Variants in SAMD9L observed in about 807,000 individuals in gnomAD.
The protein encoded by SAMD9L is sterile alpha motif domain containing 9 like, also known as sterile alpha motif domain-containing protein 9-like.
SAMD9L carries 68 observed loss-of-function variants against 90.7 expected under a neutral mutation model. The observed-to-expected ratio is 0.75, with a 90% CI of 0.62 to 0.92. The LOEUF (loss-of-function observed/expected upper bound fraction) is 0.92, where lower values mean the gene tolerates loss of function less well. Among genes scored for constraint, SAMD9L ranks in the 40% least tolerant of loss-of-function variants. SAMD9L has a pLI of 0.00. For synonymous variants in SAMD9L, 640 were observed against 630.1 expected (o/e 1.02, Z -0.23); for missense variants, 1,604 against 1,824.3 (o/e 0.88, Z 2.20).
rs747865043 is a variant in SAMD9L at position 93,134,648 on chromosome 7, C to A, written c.1324G>T (p.Ala442Ser). 6 of 1,613,940 alleles carry A rather than the reference C, an allele frequency of 3.7e-6. No individual in the cohort carries two copies. Among genetic ancestry groups the A allele is most frequent in the Non-Finnish European group, 4.2e-6 (5 of 1,179,914 alleles). ...GATTCAGGATCAAACTCCAACACAG[C>A]AAACCATTTAATTTCTTTTAAAAAA... ...LDFLKEIKWF[A>S]VLEFDPESMI... Residue 442 changes from alanine (A) to serine (S), a missense_variant, in exon 5 of 5, where the codon GCT (alanine) becomes TCT (serine). Coordinates refer to ENST00000318238, the MANE Select transcript of SAMD9L (RefSeq NM_152703.5).
chr7:93,133,434 A>G lies in SAMD9L; in HGVS notation c.2538T>C (p.Asp846=), dbSNP rs1408145414. The change falls in exon 5 of 5, where the codon GAT becomes GAC. Residue 846 remains aspartate (D), a synonymous_variant. Transcript: ENST00000318238. ...ILNCMRSRNP[D]ESAKLADSIA... is the part of the protein sequence containing the mutation. ...TACTGTCTGCCAATTTTGCACTTTCATCTGGATTCCGGGATCTCATGCAGT... is the reference window on the plus strand; with the variant it reads ...TACTGTCTGCCAATTTTGCACTTTCGTCTGGATTCCGGGATCTCATGCAGT... 2.5e-6 allele frequency: 4 copies of G among 1,613,134 alleles called. No individual in the cohort carries two copies. The highest frequency in any genetic ancestry group is 3.4e-6 in the Non-Finnish European group (4 of 1,179,304).
chr7:93,143,590 A>G (rs779012988), intron 4 of SAMD9L, among the ~76,000 whole-genome samples: 14 of 152,116 alleles, frequency 9.2e-5, no homozygotes, highest in Non-Finnish European at 1.3e-4. Flanking sequence ...AACCACATCT[A>G]CCTACCGACC....
chr7:93,133,944 G>A lies in SAMD9L; in HGVS notation c.2028C>T (p.Phe676=). The A allele has an allele frequency of 1.9e-6, 3 of 1,613,726 alleles. No homozygotes were observed. The highest frequency in any genetic ancestry group is 2.5e-6 in the Non-Finnish European group (3 of 1,179,812). The change falls in exon 5 of 5, where the codon TTC becomes TTT. Residue 676 remains phenylalanine, a synonymous_variant. Coordinates refer to ENST00000318238, the MANE Select transcript of SAMD9L (RefSeq NM_152703.5). ...ETDIEKDKSK[F]LEFKKSKEEH... ...CTTCTTTTGATTTCTTAAACTCCAGGAATTTAGATTTGTCTTTCTCGATGT... is the reference window on the plus strand; with the variant it reads ...CTTCTTTTGATTTCTTAAACTCCAGAAATTTAGATTTGTCTTTCTCGATGT...
intron 1 of SAMD9L, 144 bp downstream of exon 1, chr7:93,148,050 A>AT (rs1792960633): frequency 6.6e-6 from 1 of 152,148 alleles, no homozygotes; most frequent in South Asian, 2.1e-4. Context: ...TAATCCATTG[A>AT]TTTTTCTAAT....
At chr7:93,143,343 C>T (rs1260040150) in intron 4 of SAMD9L, among the ~76,000 whole-genome samples, 1 of 152,164 alleles carries the variant, frequency 6.6e-6, no homozygotes, top group Non-Finnish European at 1.5e-5. Flanking sequence ...CCCTTCACAC[C>T]CTGACTGGAA....
intron 4 of SAMD9L, among the ~76,000 whole-genome samples, chr7:93,141,311 T>A (rs78226837): frequency 0.024 from 3,599 of 152,352 alleles, 51 homozygotes; most frequent in Non-Finnish European, 0.035. Context: ...AGTTTCTCCC[T>A]ATGAATCTCA....
At chr7:93,141,909 G>T (rs895242867) in intron 4 of SAMD9L, among the ~76,000 whole-genome samples, 1 of 152,128 alleles carries the variant, frequency 6.6e-6, no homozygotes, top group East Asian at 1.9e-4. Context: ...CTTAAATAAG[G>T]TCTGACATGA....
rs1473065405 is a variant in SAMD9L, at chr7:93,145,367, T to A, written c.-123+18A>T. On this transcript the variant is annotated intron_variant, in intron 3 of 4. Coordinates refer to ENST00000318238, the MANE Select transcript of SAMD9L (RefSeq NM_152703.5). ...AAAGAGAGTTGATTAAACAAGACTT[T>A]AATGATTAGAAACTTACCAGGGCTT... The A allele has an allele frequency of 1.3e-5, 2 of 152,244 alleles. No individual in the cohort carries two copies. The highest frequency in any genetic ancestry group is 1.3e-4 in the Admixed American group (2 of 15,284). The allele number at this position is 152,244 out of a possible 1,614,324, so 9.4% of individuals were successfully genotyped here.
rs769739810 is a variant in SAMD9L, at chr7:93,133,561, T to C, written c.2411A>G (p.Asp804Gly). ...DYIPVLLLVD[D>G]FEEQENVYFL... ...GTAGACATTTTCTTGTTCTTCAAAA[T>C]CATCCACAAGGAGAAGCACAGGAAT... The change falls in exon 5 of 5, where the codon GAT (aspartate) becomes GGT (glycine). Residue 804 changes from aspartate (D) to glycine (G), a missense_variant. Asp to Gly is a moderately conservative substitution (Grantham distance 94, BLOSUM62 -1). This residue lies in a region of SAMD9L where 606 missense variants were observed against 717.6 expected (regional missense o/e 0.84). Coordinates refer to ENST00000318238, the MANE Select transcript of SAMD9L (RefSeq NM_152703.5). 6.2e-7 allele frequency: 1 copy of C among 1,613,860 alleles called. No homozygotes were observed. The highest frequency in any genetic ancestry group is 1.1e-5 in the South Asian group (1 of 91,070).
chr7:93,136,036 T>A (rs1322228784), intron 4 of SAMD9L, 45 bp from the exon 5 acceptor site: 28 of 1,283,810 alleles, frequency 2.2e-5, no homozygotes, highest in Non-Finnish European at 2.7e-5. Flanking sequence ...TATACTTTAT[T>A]TTTAAAATCA....
At position 93,134,793 on chromosome 7, in the gene SAMD9L, A is replaced by G. The variant is rs1388209099; in HGVS notation, c.1179T>C (p.Ser393=). ...EYGMKAMKKE[S]EGLKLVKLLI... ...GAAGTTTAACCAGCTTTAGTCCTTC[A>G]CTCTCCTTCTTCATTGCCTTCATTC... is the stretch of plus-strand genomic sequence containing the variant. Residue 393 remains serine (S), a synonymous_variant, in exon 5 of 5, where the codon AGT becomes AGC. Coordinates refer to ENST00000318238, the MANE Select transcript of SAMD9L (RefSeq NM_152703.5). The G allele has an allele frequency of 8.1e-6, 13 of 1,613,002 alleles. No homozygotes were observed. Among genetic ancestry groups the G allele is most frequent in the Non-Finnish European group, 1.1e-5 (13 of 1,179,790 alleles).
chr7:93,137,868 A>C (rs1792520448), intron 4 of SAMD9L, among the ~76,000 whole-genome samples: 1 of 151,636 alleles, frequency 6.6e-6, no homozygotes, highest in Non-Finnish European at 1.5e-5. Context: ...TTATGTATGG[A>C]GAATAAGCTA....
chr7:93,146,486 T>A (rs942492753), intron 2 of SAMD9L, among the ~76,000 whole-genome samples: 2 of 152,242 alleles, frequency 1.3e-5, no homozygotes, highest in African/African-American at 2.4e-5. Flanking sequence ...CATTATTCTA[T>A]GCACTCCATA....
At chr7:93,140,615 G>A (rs1055672624) in intron 4 of SAMD9L, among the ~76,000 whole-genome samples, 6 of 152,154 alleles carry the variant, frequency 3.9e-5, no homozygotes, top group African/African-American at 1.2e-4. Context: ...CATTTAAACC[G>A]GCAGAATTGA....
intron 4 of SAMD9L, among the ~76,000 whole-genome samples, chr7:93,143,198 C>G (rs1792760139): frequency 6.6e-6 from 1 of 152,212 alleles, no homozygotes; most frequent in African/African-American, 2.4e-5. Flanking sequence ...CTGTGCTCCT[C>G]AAGCCTCGAG....
Position 93,134,597 on chromosome 7 carries a change from A to G in SAMD9L, c.1375T>C (p.Tyr459His). 2 of 1,613,936 alleles carry G rather than the reference A, an allele frequency of 1.2e-6. No homozygotes were observed. The highest frequency in any genetic ancestry group is 1.7e-6 in the Non-Finnish European group (2 of 1,179,900). Residue 459 changes from tyrosine (Y) to histidine (H), a missense_variant, in exon 5 of 5, where the codon TAC (tyrosine) becomes CAC (histidine). Transcript: ENST00000318238. ...ESMINGVVKA[Y>H]KESRVANLHF... Reference sequence around the variant, plus strand: ...AGGTTTGCCACCCGACTTTCTTTGTAAGCTTTGACCACTCCATTGATCATA... The same window carrying G: ...AGGTTTGCCACCCGACTTTCTTTGTGAGCTTTGACCACTCCATTGATCATA...
Position 93,148,243 on chromosome 7 carries a change from G to A in SAMD9L, c.-1092C>T, listed in dbSNP as rs996952148. The A allele has an allele frequency of 9.9e-5, 15 of 152,162 alleles. No individual in the cohort carries two copies. The highest frequency in any genetic ancestry group is 3.6e-4 in the African/African-American group (15 of 41,440). 9.4% of individuals were successfully genotyped at this position (152,162 alleles called of 1,614,324 possible). ...GTTTTATATCAGAAACTTGAAACAG[G>A]CCATTTGAACTTTTGCTGTCTCATT... On this transcript the variant is annotated 5_prime_UTR_variant, in exon 1 of 5. Transcript: ENST00000318238.
Position 93,145,703 on chromosome 7 carries a change from G to A in SAMD9L, c.-441C>T, listed in dbSNP as rs964931921. 1 of 152,186 alleles carries A rather than the reference G, an allele frequency of 6.6e-6. No homozygotes were observed. The highest frequency in any genetic ancestry group is 6.5e-5 in the Admixed American group (1 of 15,278). 9.4% of individuals were successfully genotyped at this position (152,186 alleles called of 1,614,324 possible). A position where few individuals can be genotyped will look rare whatever the true frequency, so the allele number is the denominator to read the frequency against. Reference sequence around the variant, plus strand: ...CCCCCCAACTTTCTACTATGAAAATGTTTGAACATACAGAAAATTTGAAAG... The same window carrying A: ...CCCCCCAACTTTCTACTATGAAAATATTTGAACATACAGAAAATTTGAAAG... On this transcript the variant is annotated 5_prime_UTR_variant, in exon 3 of 5. Coordinates refer to ENST00000318238, the MANE Select transcript of SAMD9L (RefSeq NM_152703.5).
chr7:93,131,873 G>C lies in SAMD9L; in HGVS notation c.4099C>G (p.Leu1367Val). 2 of 1,611,920 alleles carry C rather than the reference G, an allele frequency of 1.2e-6. No homozygotes were observed. Among genetic ancestry groups the C allele is most frequent in the Non-Finnish European group, 1.7e-6 (2 of 1,179,876 alleles). The change falls in exon 5 of 5, where the codon CTA becomes GTA. Residue 1367 changes from leucine (L) to valine (V), a missense_variant. Physicochemically the swap from Leu to Val is conservative, Grantham distance 32. Transcript: ENST00000318238. ...MESIVNEYAF[L>V]LQQNSKKPMT... ...GGCTTTTTTGAGTTTTGCTGCAGTA[G>C]GAAGGCATATTCATTCACTATACTT...
Sources: gnomAD v4.1 joint callset for allele counts (sites outside exome capture counted in the v4.1 genomes callset) on GRCh38, gnomAD v4.1.1 for gene constraint, gnomAD v4.1.1 regional missense constraint, MANE v1.5 for transcripts, NCBI Gene and HGNC (gene_info 2026-07-23, HGNC 2026-07-21) for gene names.